FNDC3B: variants seen among roughly 807,000 people sequenced by gnomAD.
FNDC3B encodes fibronectin type III domain containing 3B.
Under a neutral mutation model 151.5 loss-of-function variants are expected in FNDC3B, and 12 were observed. The ratio of observed to expected loss-of-function variants is 0.08; its 90% confidence interval spans 0.05 to 0.13. FNDC3B has a LOEUF of 0.13. FNDC3B is among the 10% of genes least tolerant of loss of function. FNDC3B has a pLI of 1.00. For missense variants in FNDC3B, 1,214 were observed against 1,505.3 expected (o/e 0.81, Z 3.20); for synonymous variants, 528 against 549.0 (o/e 0.96, Z 0.54).
chr3:172,365,453 C>T (rs1206365455), intron 23 of FNDC3B, among the ~76,000 whole-genome samples: 1 of 152,154 alleles, frequency 6.6e-6, no homozygotes, highest in Non-Finnish European at 1.5e-5. Context: ...TACCTGCAGG[C>T]TCTCAAAGAT....
Position 172,262,597 on chromosome 3 carries a change from T to TTA in FNDC3B, c.790+11057_790+11058insAT, listed in dbSNP as rs558133266. Among the ~76,000 whole-genome samples the TTA allele has an allele frequency of 3.0e-3, 459 of 152,218 alleles. 4 individuals are homozygous for TTA. The highest frequency in any genetic ancestry group is 0.011 in the African/African-American group (446 of 41,508). On this transcript the variant is annotated intron_variant, in intron 6 of 25. Coordinates refer to ENST00000415807, the MANE Select transcript of FNDC3B (RefSeq NM_022763.4). Reference sequence around the variant, plus strand: ...TAAAAACTGGAAATTGAGAATTTTTTTTTTTATTTTTTGTTTTAAGTTAAA... The same window carrying TTA: ...TAAAAACTGGAAATTGAGAATTTTTTTATTTTTATTTTTTGTTTTAAGTTAAA...
At chr3:172,212,212 T>C in intron 3 of FNDC3B, among the ~76,000 whole-genome samples, 1 of 152,232 alleles carries the variant, frequency 6.6e-6, no homozygotes, top group Non-Finnish European at 1.5e-5. Flanking sequence ...CAATTAAATA[T>C]CCATTAATAG....
rs375661777 is a variant in FNDC3B, at chr3:172,346,766, C to T, written c.2364+326C>T. Among the ~76,000 whole-genome samples the T allele has an allele frequency of 2.5e-3, 374 of 152,184 alleles. 2 individuals carry two copies. Among genetic ancestry groups the T allele is most frequent in the African/African-American group, 8.6e-3 (357 of 41,524 alleles). On this transcript the variant is annotated intron_variant, in intron 20 of 25. Transcript: ENST00000415807. ...TCACCCAGGCTGGAGGGCAGTGGCA[C>T]AATCTCGGCTCACTGCAACCTCTGC...
chr3:172,330,828 T>C (rs1046031199), intron 13 of FNDC3B, 113 bp downstream of exon 13: 1 of 774,906 alleles, frequency 1.3e-6, no homozygotes, highest in South Asian at 2.0e-5. Context: ...AAACTCTTAA[T>C]TTCTGCCTCT....
intron 3 of FNDC3B, among the ~76,000 whole-genome samples, chr3:172,216,842 A>G (rs1180988476): frequency 2.6e-5 from 4 of 152,094 alleles, no homozygotes; most frequent in African/African-American, 9.7e-5. Context: ...TATGGAACCC[A>G]CTGTTTTTTG....
chr3:172,325,549 G>A (rs1477277017), intron 11 of FNDC3B, among the ~76,000 whole-genome samples: 1 of 152,126 alleles, frequency 6.6e-6, no homozygotes, highest in Admixed American at 6.5e-5. Flanking sequence ...AAAATGTTTT[G>A]TTTATAAATG....
chr3:172,174,857 G>T (rs1723473057), intron 3 of FNDC3B, among the ~76,000 whole-genome samples: 1 of 145,090 alleles, frequency 6.9e-6, no homozygotes, highest in Non-Finnish European at 1.5e-5. Context: ...TGTGTATACA[G>T]TTAATTCCCA....
chr3:172,216,252 G>A (rs1725970731), intron 3 of FNDC3B, among the ~76,000 whole-genome samples: 2 of 152,152 alleles, frequency 1.3e-5, no homozygotes, highest in Admixed American at 1.3e-4. Context: ...ATTCTTTAGG[G>A]CTTTAATGTT....
intron 22 of FNDC3B, among the ~76,000 whole-genome samples, chr3:172,360,286 G>C (rs111532542): frequency 6.6e-6 from 1 of 151,892 alleles, no homozygotes; most frequent in Non-Finnish European, 1.5e-5. Context: ...CTAGTCTTCC[G>C]CCCATTTTTA....
chr3:172,227,796 AT>A (rs1479027645), intron 4 of FNDC3B, among the ~76,000 whole-genome samples: 2 of 152,170 alleles, frequency 1.3e-5, no homozygotes, highest in Non-Finnish European at 2.9e-5. Context: ...GTTTTTGATT[AT>A]ATCCTTCCAG....
intron 25 of FNDC3B, among the ~76,000 whole-genome samples, chr3:172,386,928 C>T (rs1279771904): frequency 6.6e-6 from 1 of 151,966 alleles, no homozygotes; most frequent in East Asian, 1.9e-4. Context: ...AAGGAAAGAT[C>T]TTCTCTTGAC....
intron 3 of FNDC3B, among the ~76,000 whole-genome samples, chr3:172,187,978 C>T (rs1285787404): frequency 1.4e-5 from 2 of 143,952 alleles, no homozygotes; most frequent in East Asian, 2.0e-4. Flanking sequence ...ATTTAAATTC[C>T]ATTTTTATAT....
intron 1 of FNDC3B, among the ~76,000 whole-genome samples, chr3:172,045,047 G>A (rs986242493): frequency 3.3e-5 from 5 of 152,224 alleles, no homozygotes; most frequent in African/African-American, 2.4e-5. Flanking sequence ...GGTGTCACAA[G>A]GGATTAATGA....
chr3:172,086,591 G>T (rs1718557947), intron 1 of FNDC3B, among the ~76,000 whole-genome samples: 1 of 152,090 alleles, frequency 6.6e-6, no homozygotes, highest in Admixed American at 6.5e-5. Context: ...TTATTTAAAG[G>T]AACTATGTAA....
chr3:172,344,038 A>C (rs774386771), intron 18 of FNDC3B, 48 bp from the exon 19 acceptor site: 16 of 1,547,420 alleles, frequency 1.0e-5, no homozygotes, highest in Non-Finnish European at 1.4e-5. Context: ...ACTTTGGTCA[A>C]CTGGAAGCAC....
chr3:172,343,213 A>G, intron 18 of FNDC3B, 97 bp downstream of exon 18: 2 of 721,400 alleles, frequency 2.8e-6, no homozygotes, highest in Non-Finnish European at 4.9e-6. Context: ...TCTTCTAAAG[A>G]CCATATACGT....
chr3:172,359,002 GT>G, intron 22 of FNDC3B, among the ~76,000 whole-genome samples: 1 of 145,050 alleles, frequency 6.9e-6, no homozygotes, highest in African/African-American at 2.6e-5. Flanking sequence ...GGTGGTGGTG[GT>G]GGTGGTGGTG....
intron 3 of FNDC3B, among the ~76,000 whole-genome samples, chr3:172,200,407 A>T (rs7631064): frequency 0.78 from 118,614 of 152,142 alleles, 47,424 homozygotes; most frequent in Middle Eastern, 0.92. Context: ...CAATGGTTAG[A>T]CTTGTGATTT....
intron 6 of FNDC3B, among the ~76,000 whole-genome samples, chr3:172,279,855 G>A (rs1003148333): frequency 1.3e-5 from 2 of 151,992 alleles, no homozygotes; most frequent in Admixed American, 1.3e-4. Context: ...ATTGAAGATG[G>A]CCAATATTCT....
Sources: gnomAD v4.1 joint callset for allele counts (sites outside exome capture counted in the v4.1 genomes callset) on GRCh38, gnomAD v4.1.1 for gene constraint, MANE v1.5 for transcripts, NCBI Gene and HGNC (gene_info 2026-07-23, HGNC 2026-07-21) for gene names.